The following UNC5D variants were observed in gnomAD, a reference collection of about 807,000 sequenced individuals.
UNC5D encodes netrin receptor UNC5D.
In UNC5D, 39 loss-of-function variants were observed where a neutral mutation model predicts 105.4. The ratio of observed to expected loss-of-function variants is 0.37; its 90% CI spans 0.29 to 0.48. The LOEUF (loss-of-function observed/expected upper bound fraction) is 0.48. Ranked by LOEUF, UNC5D falls within the 20% of genes least tolerant of loss-of-function variation. The pLI is 0.98. For synonymous variants in UNC5D, 452 were observed against 450.4 expected (o/e 1.00, Z -0.04); for missense variants, 991 against 1,202.4 (o/e 0.82, Z 2.60).
rs1830179546 is a variant in UNC5D at position 35,749,867 on chromosome 8, T to C, written c.1936-715T>C. ...GAGGGTGACATATTCTAGTACATCT[T>C]ATCCAATTCATTTATTTAGTGGTCC... is the stretch of plus-strand genomic sequence containing the variant. On this transcript the variant is annotated intron_variant, in intron 12 of 16. Coordinates refer to ENST00000404895, the MANE Select transcript of UNC5D (RefSeq NM_080872.4). 3.9e-5 allele frequency among the ~76,000 whole-genome samples: 6 copies of C among 152,332 alleles called. No homozygotes were observed. The South Asian group carries it at 1.2e-3, about 32-fold the overall frequency.
chr8:35,529,130 A>G (rs1187950538), intron 1 of UNC5D, among the ~76,000 whole-genome samples: 2 of 142,844 alleles, frequency 1.4e-5, no homozygotes, highest in Non-Finnish European at 3.0e-5. Context: ...GCCCATGCCT[A>G]CGTCCTGAAT....
In UNC5D at chr8:35,385,912, C is replaced by G. The variant is rs541198642; in HGVS notation, c.103+150025C>G. Among the ~76,000 whole-genome samples, 3 of 152,248 alleles carry G rather than the reference C, an allele frequency of 2.0e-5. No individual in the cohort carries two copies. In the South Asian group the frequency reaches 6.2e-4, roughly 32 times the overall value. ...AATTTCTGACATCTTAAACCATATC[C>G]AGCTAACAAAATTCTATTTTGTTGT... On this transcript the variant is annotated intron_variant, in intron 1 of 16. Transcript: ENST00000404895.
chr8:35,768,088 C>A (rs1196023130), intron 15 of UNC5D, among the ~76,000 whole-genome samples: 2 of 151,388 alleles, frequency 1.3e-5, no homozygotes. Context: ...CATTTATATA[C>A]CTACAATTCA....
At position 35,759,311 on chromosome 8, in the gene UNC5D, C is replaced by G; in HGVS notation, c.2164-9C>G. ...TTATTGATCTTATTTTCTTTTTCTTCTCCTATAGGAAGTGGTTTCAGATGA... is the reference window on the plus strand; with the variant it reads ...TTATTGATCTTATTTTCTTTTTCTTGTCCTATAGGAAGTGGTTTCAGATGA... On this transcript the variant is annotated splice_polypyrimidine_tract_variant and intron_variant, in intron 13 of 16. Coordinates refer to ENST00000404895, the MANE Select transcript of UNC5D (RefSeq NM_080872.4). 2 of 1,607,204 alleles carry G rather than the reference C, an allele frequency of 1.2e-6. No individual in the cohort carries two copies. The highest frequency in any genetic ancestry group is 1.7e-6 in the Non-Finnish European group (2 of 1,178,354).
chr8:35,350,733 G>T (rs1420973050), intron 1 of UNC5D, among the ~76,000 whole-genome samples: 2 of 151,868 alleles, frequency 1.3e-5, no homozygotes, highest in Non-Finnish European at 2.9e-5. Flanking sequence ...TTTATAGTTT[G>T]TTTAATAAAC....
intron 15 of UNC5D, among the ~76,000 whole-genome samples, chr8:35,771,346 A>G (rs763630349): frequency 1.3e-5 from 2 of 152,178 alleles, no homozygotes; most frequent in African/African-American, 2.4e-5. Context: ...GGACACTTCC[A>G]ATGTTTTCAG....
At chr8:35,724,129 C>T (rs913974819) in intron 9 of UNC5D, 2 of 1,421,962 alleles carry the variant, frequency 1.4e-6, no homozygotes, top group Middle Eastern at 2.6e-4. Context: ...CCCTGGCCTA[C>T]ACCTGTCTGG....
chr8:35,354,303 C>G (rs1250793981), intron 1 of UNC5D, among the ~76,000 whole-genome samples: 1 of 151,950 alleles, frequency 6.6e-6, no homozygotes, highest in Non-Finnish European at 1.5e-5. Flanking sequence ...ATATATTAAG[C>G]AAAGCAGAGA....
chr8:35,449,341 T>C (rs986933007), intron 1 of UNC5D, among the ~76,000 whole-genome samples: 2 of 152,088 alleles, frequency 1.3e-5, no homozygotes, highest in Non-Finnish European at 2.9e-5. Flanking sequence ...CGTGGCACCT[T>C]CCATGTCCTC....
At chr8:35,707,213 G>A (rs1052790902) in intron 8 of UNC5D, among the ~76,000 whole-genome samples, 1 of 152,110 alleles carries the variant, frequency 6.6e-6, no homozygotes, top group Admixed American at 6.5e-5. Flanking sequence ...AAGACATGAG[G>A]GAAAAATCCA....
intron 1 of UNC5D, among the ~76,000 whole-genome samples, chr8:35,328,098 G>T (rs981837733): frequency 6.6e-6 from 1 of 152,128 alleles, no homozygotes; most frequent in South Asian, 2.1e-4. Flanking sequence ...AGATGTGGGT[G>T]ACCCCTCCAC....
At chr8:35,599,198 G>A (rs912042009) in intron 4 of UNC5D, among the ~76,000 whole-genome samples, 1 of 150,330 alleles carries the variant, frequency 6.7e-6, no homozygotes, top group African/African-American at 2.4e-5. Flanking sequence ...GAGTAGAATG[G>A]TGGTCACCAC....
chr8:35,603,910 A>C lies in UNC5D; in HGVS notation c.570+8253A>C, dbSNP rs1820078930. On this transcript the variant is annotated intron_variant, in intron 4 of 16. Coordinates refer to ENST00000404895, the MANE Select transcript of UNC5D (RefSeq NM_080872.4). Reference sequence around the variant, plus strand: ...CCATTTGCTTGGTAGATCTTCCTCCATCCCTTTATTTTGAGCCTATGTGTG... The same window carrying C: ...CCATTTGCTTGGTAGATCTTCCTCCCTCCCTTTATTTTGAGCCTATGTGTG... 2.0e-5 allele frequency among the ~76,000 whole-genome samples: 3 copies of C among 151,956 alleles called. No individual in the cohort carries two copies. In the South Asian group the frequency reaches 6.2e-4, roughly 32 times the overall value.
chr8:35,317,328 T>C (rs556043599), intron 1 of UNC5D, among the ~76,000 whole-genome samples: 4 of 152,266 alleles, frequency 2.6e-5, no homozygotes, highest in East Asian at 1.9e-4. Flanking sequence ...AAGAGTTAAA[T>C]TGGTTCTGTA....
chr8:35,262,251 CT>C (rs1017315520), intron 1 of UNC5D, among the ~76,000 whole-genome samples: 1 of 152,140 alleles, frequency 6.6e-6, no homozygotes, highest in Non-Finnish European at 1.5e-5. Flanking sequence ...ATAAGAGTTC[CT>C]TCTCCTCTAG....
intron 4 of UNC5D, among the ~76,000 whole-genome samples, chr8:35,661,077 G>A (rs1824076720): frequency 6.6e-6 from 1 of 151,570 alleles, no homozygotes; most frequent in African/African-American, 2.4e-5. Context: ...TAGCCCAGGT[G>A]ACAGAGTGAG....
intron 4 of UNC5D, among the ~76,000 whole-genome samples, chr8:35,672,748 ATTC>A (rs1342629389): frequency 1.3e-5 from 2 of 152,144 alleles, no homozygotes; most frequent in Non-Finnish European, 2.9e-5. Flanking sequence ...AACATGTTTC[ATTC>A]TTCACTCATG....
At chr8:35,470,807 T>TGAATA (rs1554538817) in intron 1 of UNC5D, among the ~76,000 whole-genome samples, 1 of 130,506 alleles carries the variant, frequency 7.7e-6, no homozygotes, top group Non-Finnish European at 1.6e-5. Flanking sequence ...AATAAATAAA[T>TGAATA]AAATAAAATA....
At chr8:35,372,940 T>G (rs1375513830) in intron 1 of UNC5D, among the ~76,000 whole-genome samples, 1 of 152,216 alleles carries the variant, frequency 6.6e-6, no homozygotes, top group Admixed American at 6.5e-5. Flanking sequence ...ATATTTCCTT[T>G]GAGCAAATGG....
Sources: allele counts gnomAD v4.1 joint callset (sites outside exome capture counted in the v4.1 genomes callset), GRCh38; gene constraint gnomAD v4.1.1; transcripts MANE v1.5; gene names NCBI Gene and HGNC (gene_info 2026-07-23, HGNC 2026-07-21).